Variants in RSPH14 observed in about 807,000 individuals in gnomAD.
RSPH14 encodes the protein radial spoke head 14 homolog, also known as rhabdoid tumor deletion region gene 1.
RSPH14 carries 20 observed loss-of-function variants against 26.7 expected under a neutral mutation model. That is an observed-to-expected ratio of 0.75 (90% CI 0.53 to 1.09). RSPH14 has a LOEUF of 1.09. Among genes scored for constraint, RSPH14 ranks in the 50% least tolerant of loss-of-function variants. The probability of loss-of-function intolerance (pLI) is 0.00; values close to 1 mark genes in which losing one functional copy is unlikely to be tolerated. For missense variants in RSPH14, 449 were observed against 457.2 expected (o/e 0.98, Z 0.16); for synonymous variants, 177 against 189.3 (o/e 0.93, Z 0.53).
chr22:23,116,405 G>A (rs1053248843), intron 4 of RSPH14, among the ~76,000 whole-genome samples: 1 of 152,264 alleles, frequency 6.6e-6, no homozygotes, highest in Admixed American at 6.5e-5. Context: ...GGCACCTGAG[G>A]ACATTTGCAG....
the RSPH14 span, among the ~76,000 whole-genome samples, chr22:23,167,687 A>C: frequency 6.6e-6 from 1 of 151,996 alleles, no homozygotes; most frequent in Non-Finnish European, 1.5e-5. Flanking sequence ...TCACTCATTC[A>C]TTAACTCTTT....
chr22:23,126,464 C>G (rs1280754725), intron 4 of RSPH14, among the ~76,000 whole-genome samples: 2 of 152,230 alleles, frequency 1.3e-5, no homozygotes, highest in Non-Finnish European at 2.9e-5. Flanking sequence ...CTCAAAGTCA[C>G]CTGGGCAGCT....
chr22:23,064,323 T>C (rs536229905), intron 4 of RSPH14, among the ~76,000 whole-genome samples, 190 bp from the exon 5 acceptor site: 3 of 152,158 alleles, frequency 2.0e-5, no homozygotes, highest in Non-Finnish European at 2.9e-5. Flanking sequence ...GCAGCTGCAG[T>C]GACAGCCATG....
At chr22:23,110,745 A>C (rs2069621451) in intron 4 of RSPH14, among the ~76,000 whole-genome samples, 1 of 152,230 alleles carries the variant, frequency 6.6e-6, no homozygotes, top group South Asian at 2.1e-4. Context: ...GTGCGTCTGC[A>C]GAGAGTTCAT....
chr22:23,174,623 G>A, the RSPH14 span, among the ~76,000 whole-genome samples: 2 of 151,162 alleles, frequency 1.3e-5, no homozygotes, highest in African/African-American at 2.4e-5. Context: ...TCATCAAATC[G>A]CACTCCTTAT....
At chr22:23,128,587 A>C (rs2146420060) in intron 4 of RSPH14, among the ~76,000 whole-genome samples, 1 of 152,302 alleles carries the variant, frequency 6.6e-6, no homozygotes, top group South Asian at 2.1e-4. Context: ...ACTTGGGACA[A>C]TCCTCAGTCC....
intron 4 of RSPH14, among the ~76,000 whole-genome samples, chr22:23,065,350 T>C (rs1466922949): frequency 6.6e-6 from 1 of 151,952 alleles, no homozygotes; most frequent in Non-Finnish European, 1.5e-5. Context: ...CAGCTCTCCA[T>C]GCCCCATCCC....
At chr22:23,178,722 G>T in the RSPH14 span, among the ~76,000 whole-genome samples, 2 of 152,152 alleles carry the variant, frequency 1.3e-5, no homozygotes, top group African/African-American at 4.8e-5. Flanking sequence ...ATATTAACAG[G>T]CAATCACGAA....
In RSPH14 at chr22:23,072,304, T is replaced by C. The variant is rs190670548; in HGVS notation, c.422-8171A>G. 3.0e-4 allele frequency among the ~76,000 whole-genome samples: 46 copies of C among 152,158 alleles called. 1 individual carries two copies. The highest frequency in any genetic ancestry group is 8.8e-5 in the Non-Finnish European group (6 of 67,968). Reference sequence around the variant, plus strand: ...GGGAGCATCCATCTACGGGGTGCAGTGGGGGTGTGGATGGCCTGGCGGTGC... The same window carrying C: ...GGGAGCATCCATCTACGGGGTGCAGCGGGGGTGTGGATGGCCTGGCGGTGC... On this transcript the variant is annotated intron_variant, in intron 4 of 6. Transcript: ENST00000216036.
chr22:23,081,074 G>A (rs1432748805), intron 4 of RSPH14, among the ~76,000 whole-genome samples: 1 of 152,222 alleles, frequency 6.6e-6, no homozygotes, highest in Non-Finnish European at 1.5e-5. Flanking sequence ...GGCTGTGACT[G>A]TATAGAGGGC....
intron 4 of RSPH14, among the ~76,000 whole-genome samples, chr22:23,090,171 C>T (rs1390180573): frequency 6.6e-6 from 1 of 152,118 alleles, no homozygotes; most frequent in African/African-American, 2.4e-5. Context: ...TCCTGTACCA[C>T]AGGGACAGCT....
intron 5 of RSPH14, among the ~76,000 whole-genome samples, chr22:23,062,162 G>T (rs969708066): frequency 6.6e-6 from 1 of 152,218 alleles, no homozygotes; most frequent in African/African-American, 2.4e-5. Context: ...TGAAGACCAC[G>T]GGGTGACAGG....
At chr22:23,119,813 C>T (rs1192812032) in intron 4 of RSPH14, among the ~76,000 whole-genome samples, 1 of 152,152 alleles carries the variant, frequency 6.6e-6, no homozygotes, top group Non-Finnish European at 1.5e-5. Flanking sequence ...CAGACAGGGC[C>T]CAGCCAAGAA....
intron 4 of RSPH14, among the ~76,000 whole-genome samples, chr22:23,125,922 C>T (rs1168132008): frequency 6.6e-6 from 1 of 152,194 alleles, no homozygotes; most frequent in African/African-American, 2.4e-5. Flanking sequence ...CACACGCATG[C>T]ATGCACACAA....
At chr22:23,087,764 G>A (rs949196502) in intron 4 of RSPH14, among the ~76,000 whole-genome samples, 1 of 152,172 alleles carries the variant, frequency 6.6e-6, no homozygotes, top group Non-Finnish European at 1.5e-5. Context: ...CAGTTCCTGG[G>A]TGGGGGCCAC....
At position 23,134,054 on chromosome 22, in the gene RSPH14, T is replaced by C. The variant is rs374937901; in HGVS notation, c.393A>G (p.Ala131=). 3.7e-6 allele frequency: 6 copies of C among 1,613,790 alleles called. No homozygotes were observed. Among genetic ancestry groups the C allele is most frequent in the Non-Finnish European group, 4.2e-6 (5 of 1,179,786 alleles). The part of the protein sequence containing the change: ...SPVCRGNLYK[A]YMQLVQVPRG... ...TAGGCACCTGGACCAGCTGCATGTA[T>C]GCCTTGTACAGGTTCCCCCGGCAGA... Residue 131 remains alanine (A), a synonymous_variant, in exon 4 of 7, where the codon GCA becomes GCG. Transcript: ENST00000216036.
chr22:23,100,283 C>T (rs932277737), intron 4 of RSPH14, among the ~76,000 whole-genome samples: 1 of 152,264 alleles, frequency 6.6e-6, no homozygotes, highest in Non-Finnish European at 1.5e-5. Context: ...CTAGAGCTGG[C>T]AGGCAGCAGT....
At chr22:23,133,432 T>C (rs1036292108) in intron 4 of RSPH14, among the ~76,000 whole-genome samples, 2 of 152,226 alleles carry the variant, frequency 1.3e-5, no homozygotes, top group African/African-American at 4.8e-5. Flanking sequence ...ATACCATTTA[T>C]CATTGGTAAG....
the RSPH14 span, chr22:23,161,650 C>A: frequency 8.2e-7 from 1 of 1,213,510 alleles, no homozygotes; most frequent in Non-Finnish European, 1.2e-6. Flanking sequence ...GGAGCCCAAG[C>A]TCTGCAGCGT....
Sources: gnomAD v4.1 joint callset for allele counts (sites outside exome capture counted in the v4.1 genomes callset) on GRCh38, gnomAD v4.1.1 for gene constraint, MANE v1.5 for transcripts, NCBI Gene and HGNC (gene_info 2026-07-23, HGNC 2026-07-21) for gene names.